Variants in MECOM observed in about 807,000 individuals in gnomAD.
MECOM encodes the protein histone-lysine N-methyltransferase MECOM.
Under a neutral mutation model 116.3 loss-of-function variants are expected in MECOM, and 13 were observed. That is an observed-to-expected ratio of 0.11 (90% confidence interval 0.07 to 0.18). MECOM has a LOEUF of 0.18. MECOM is among the 10% of genes least tolerant of loss of function. MECOM has a pLI of 1.00. For synonymous variants in MECOM, 528 were observed against 535.2 expected (o/e 0.99, Z 0.19); for missense variants, 1,299 against 1,509.0 (o/e 0.86, Z 2.31).
chr3:169,308,896 T>G (rs984754065), intron 2 of MECOM, among the ~76,000 whole-genome samples: 15 of 152,268 alleles, frequency 9.9e-5, no homozygotes, highest in African/African-American at 3.6e-4. Flanking sequence ...TTCCAGACAT[T>G]TCCCTTTCAG....
At chr3:169,276,582 A>C (rs1216303181) in intron 2 of MECOM, among the ~76,000 whole-genome samples, 2 of 151,060 alleles carry the variant, frequency 1.3e-5, no homozygotes, top group Non-Finnish European at 3.0e-5. Flanking sequence ...AAAAGTCTAC[A>C]ACATGACATA....
chr3:169,315,584 G>A (rs768373698), intron 2 of MECOM, among the ~76,000 whole-genome samples: 2 of 152,112 alleles, frequency 1.3e-5, no homozygotes, highest in East Asian at 3.9e-4. Context: ...AGCATTTTCT[G>A]GGAGTGTATG....
At chr3:169,181,655 A>C (rs969047754) in intron 2 of MECOM, among the ~76,000 whole-genome samples, 4 of 152,220 alleles carry the variant, frequency 2.6e-5, no homozygotes, top group Non-Finnish European at 5.9e-5. Flanking sequence ...GGATTCCAAA[A>C]GTACCAGAGA....
At chr3:169,397,686 T>C (rs1735227960) in intron 1 of MECOM, among the ~76,000 whole-genome samples, 1 of 152,156 alleles carries the variant, frequency 6.6e-6, no homozygotes, top group Non-Finnish European at 1.5e-5. Context: ...GACACGACCT[T>C]GATAACATTC....
intron 9 of MECOM, 57 bp downstream of exon 9, chr3:169,112,730 T>A: frequency 7.5e-7 from 1 of 1,340,180 alleles, no homozygotes; most frequent in Non-Finnish European, 1.1e-6. Flanking sequence ...TTGCACCTGC[T>A]TTTCAGGATC....
chr3:169,551,377 A>G (rs1761385842), intron 1 of MECOM, among the ~76,000 whole-genome samples: 1 of 152,182 alleles, frequency 6.6e-6, no homozygotes, highest in Non-Finnish European at 1.5e-5. Context: ...ACACTTTAAA[A>G]AAAAAAAAAG....
intron 2 of MECOM, among the ~76,000 whole-genome samples, chr3:169,157,929 A>G (rs1021835420): frequency 6.6e-5 from 10 of 152,232 alleles, no homozygotes; most frequent in African/African-American, 2.4e-4. Context: ...TAAATAAACC[A>G]TAGAGCTGGA....
chr3:169,237,170 T>G (rs1754166359), intron 2 of MECOM, among the ~76,000 whole-genome samples: 1 of 152,186 alleles, frequency 6.6e-6, no homozygotes, highest in Non-Finnish European at 1.5e-5. Flanking sequence ...AGAAAATAAA[T>G]TTTTTGGGAT....
At chr3:169,271,975 C>T (rs1758998624) in intron 2 of MECOM, among the ~76,000 whole-genome samples, 1 of 152,146 alleles carries the variant, frequency 6.6e-6, no homozygotes, top group Non-Finnish European at 1.5e-5. Context: ...TAGGCATAAA[C>T]TTGATATTTC....
intron 1 of MECOM, among the ~76,000 whole-genome samples, chr3:169,439,686 T>A (rs1743282657): frequency 6.6e-6 from 1 of 152,204 alleles, no homozygotes; most frequent in African/African-American, 2.4e-5. Flanking sequence ...TATTGTACTA[T>A]CTTGTGCTAT....
At chr3:169,412,733 T>A (rs1249994189) in intron 1 of MECOM, among the ~76,000 whole-genome samples, 1 of 152,038 alleles carries the variant, frequency 6.6e-6, no homozygotes, top group East Asian at 1.9e-4. Context: ...AGGAATATTA[T>A]GATCTAAATA....
intron 2 of MECOM, among the ~76,000 whole-genome samples, chr3:169,305,747 T>C (rs906496112): frequency 2.0e-5 from 3 of 152,190 alleles, no homozygotes; most frequent in African/African-American, 7.2e-5. Context: ...AAGAGTGATA[T>C]GTACACAGAA....
chr3:169,464,191 A>G (rs1157756515), intron 1 of MECOM: 1 of 152,178 alleles, frequency 6.6e-6, no homozygotes, highest in African/African-American at 2.4e-5. Flanking sequence ...TGGCCATATT[A>G]AAGATTTACA....
At chr3:169,462,348 G>A (rs145339462) in intron 1 of MECOM, among the ~76,000 whole-genome samples, 1 of 152,190 alleles carries the variant, frequency 6.6e-6, no homozygotes, top group Non-Finnish European at 1.5e-5. Context: ...TGGGCTTAAT[G>A]TCAGACAGCC....
rs368784830 is a variant in MECOM, at chr3:169,150,461, A to G, written c.376-6629T>C. On this transcript the variant is annotated intron_variant, in intron 2 of 16. Coordinates refer to ENST00000651503, the MANE Select transcript of MECOM (RefSeq NM_004991.4). ...AGCCGCTGTCTGCTCAGCAGTAATCAGTAACATGCGTGTTCTGCAGTGTTT... is the reference window on the plus strand; with the variant it reads ...AGCCGCTGTCTGCTCAGCAGTAATCGGTAACATGCGTGTTCTGCAGTGTTT... Among the ~76,000 whole-genome samples the G allele has an allele frequency of 2.0e-5, 3 of 152,382 alleles. No individual in the cohort carries two copies. In the South Asian group the frequency reaches 6.2e-4, roughly 32 times the overall value.
intron 2 of MECOM, among the ~76,000 whole-genome samples, chr3:169,162,642 T>C (rs1207448582): frequency 6.6e-6 from 1 of 152,216 alleles, no homozygotes; most frequent in African/African-American, 2.4e-5. Context: ...ATTAGGTGTG[T>C]AAAATCATCC....
rs188147392 is a variant in MECOM at position 169,585,649 on chromosome 3, G to A, written c.37+77687C>T. 1.7e-3 allele frequency among the ~76,000 whole-genome samples: 256 copies of A among 152,278 alleles called. 1 individual carries two copies. Among genetic ancestry groups the A allele is most frequent in the African/African-American group, 5.7e-3 (235 of 41,562 alleles). On this transcript the variant is annotated intron_variant, in intron 1 of 16. Transcript: ENST00000651503. ...GTCAGACTGGTTTGCTGCCTGGACC[G>A]CAGAGGTTGTTAACTATTTTAAATA...
At chr3:169,288,327 T>C (rs1713798664) in intron 2 of MECOM, among the ~76,000 whole-genome samples, 1 of 152,070 alleles carries the variant, frequency 6.6e-6, no homozygotes, top group Non-Finnish European at 1.5e-5. Context: ...AGAAGGAATC[T>C]GATACAAATC....
At chr3:169,138,835 G>T (rs757340212) in intron 3 of MECOM, among the ~76,000 whole-genome samples, 2 of 152,086 alleles carry the variant, frequency 1.3e-5, no homozygotes, top group African/African-American at 2.4e-5. Flanking sequence ...ATCGAAAGAT[G>T]CAGGAAAGTG....
Sources: gnomAD v4.1 joint callset for allele counts (sites outside exome capture counted in the v4.1 genomes callset) on GRCh38, gnomAD v4.1.1 for gene constraint, MANE v1.5 for transcripts, NCBI Gene and HGNC (gene_info 2026-07-23, HGNC 2026-07-21) for gene names.